The following WDFY2 variants were observed in gnomAD, a reference collection of about 807,000 sequenced individuals.
WDFY2 encodes the protein WD repeat and FYVE domain containing 2.
In WDFY2, 36 loss-of-function variants were observed where a neutral mutation model predicts 56.4. That is an observed-to-expected ratio of 0.64 (90% CI 0.49 to 0.84). The LOEUF (loss-of-function observed/expected upper bound fraction) is 0.84, where lower values mean the gene tolerates loss of function less well. Ranked by LOEUF, WDFY2 falls within the 40% of genes least tolerant of loss-of-function variation. WDFY2 has a pLI of 0.00. For missense variants in WDFY2, 444 were observed against 512.2 expected, an observed-to-expected ratio of 0.87 and a Z score of 1.29; for synonymous variants, 176 against 183.7, an observed-to-expected ratio of 0.96 and a Z score of 0.34.
rs750311985 is a variant in WDFY2, at chr13:51,675,182, G to A, written c.218G>A (p.Cys73Tyr). 6.2e-7 allele frequency: 1 copy of A among 1,613,910 alleles called. No individual in the cohort carries two copies. ...VYHAMPSPCS[C>Y]MSFNPETRRL... ...TCATTTCTTTCAGCTCCATGTTCATGCATGTCTTTTAACCCGGAAACAAGA... is the reference window on the plus strand; with the variant it reads ...TCATTTCTTTCAGCTCCATGTTCATACATGTCTTTTAACCCGGAAACAAGA... Residue 73 changes from cysteine (C) to tyrosine (Y), a missense_variant, in exon 3 of 12, where the codon TGC becomes TAC. Physicochemically the swap from Cys to Tyr is radical, Grantham distance 194. Coordinates refer to ENST00000298125, the MANE Select transcript of WDFY2 (RefSeq NM_052950.4).
At chr13:51,643,837 G>A (rs989825299) in intron 1 of WDFY2, among the ~76,000 whole-genome samples, 2 of 151,244 alleles carry the variant, frequency 1.3e-5, no homozygotes, top group African/African-American at 4.9e-5. Context: ...AGCACTTCCT[G>A]TATGCTAAAT....
Position 51,584,830 on chromosome 13 carries a change from G to T in WDFY2, c.137+6G>T, listed in dbSNP as rs1379025295. On this transcript the variant is annotated splice_donor_region_variant and intron_variant, in intron 1 of 11. Coordinates refer to ENST00000298125, the MANE Select transcript of WDFY2 (RefSeq NM_052950.4). ...ATCAGCGTCTCCGAGGACAGGTATG[G>T]ACTACTGCCATTCGGCCGCGAGGAG... 6.2e-7 allele frequency: 1 copy of T among 1,613,432 alleles called. No individual in the cohort carries two copies. The highest frequency in any genetic ancestry group is 1.7e-5 in the Admixed American group (1 of 59,990).
chr13:51,748,191 G>A (rs141011105), intron 7 of WDFY2, among the ~76,000 whole-genome samples: 18 of 152,100 alleles, frequency 1.2e-4, no homozygotes, highest in Middle Eastern at 3.4e-3. Context: ...TTTTTCCACC[G>A]GTGTAACCAC....
chr13:51,753,605 T>G (rs1317845714), intron 8 of WDFY2, among the ~76,000 whole-genome samples: 3 of 152,122 alleles, frequency 2.0e-5, no homozygotes, highest in African/African-American at 7.2e-5. Flanking sequence ...GTGTAAGACT[T>G]TTTTTTGAAC....
At chr13:51,692,274 T>G (rs999547713) in intron 3 of WDFY2, among the ~76,000 whole-genome samples, 8 of 152,190 alleles carry the variant, frequency 5.3e-5, no homozygotes, top group Non-Finnish European at 1.2e-4. Context: ...CTTGTGCCAG[T>G]TTTCAAAGGG....
intron 3 of WDFY2, among the ~76,000 whole-genome samples, chr13:51,698,447 C>T (rs1047158338): frequency 1.3e-5 from 2 of 152,126 alleles, no homozygotes; most frequent in Admixed American, 1.3e-4. Flanking sequence ...AAGCAAATTC[C>T]ATTCAATTTA....
chr13:51,586,153 A>C, intron 1 of WDFY2: 1 of 398,338 alleles, frequency 2.5e-6, no homozygotes, highest in Non-Finnish European at 4.4e-6. Context: ...CCTTATGAGA[A>C]AGTTTGATTT....
intron 3 of WDFY2, among the ~76,000 whole-genome samples, chr13:51,687,095 TTATAG>T (rs1335793674): frequency 1.3e-5 from 2 of 149,860 alleles, no homozygotes; most frequent in Non-Finnish European, 3.0e-5. Context: ...CTTAATATTT[TTATAG>T]TATATTATGT....
intron 7 of WDFY2, among the ~76,000 whole-genome samples, chr13:51,749,096 A>C (rs1217589558): frequency 6.6e-6 from 1 of 152,144 alleles, no homozygotes; most frequent in East Asian, 1.9e-4. Flanking sequence ...AAACAATGTC[A>C]TTTTTCTCAT....
At chr13:51,659,573 A>G (rs1304452582) in intron 1 of WDFY2, among the ~76,000 whole-genome samples, 2 of 152,180 alleles carry the variant, frequency 1.3e-5, no homozygotes, top group Non-Finnish European at 2.9e-5. Flanking sequence ...AGTATAATTC[A>G]TGGTCGGGCC....
intron 7 of WDFY2, among the ~76,000 whole-genome samples, chr13:51,743,977 C>T (rs1247690403): frequency 2.0e-5 from 3 of 152,210 alleles, no homozygotes; most frequent in East Asian, 1.9e-4. Context: ...AGCAGAACAT[C>T]GCTGGTGCTC....
chr13:51,615,546 G>T (rs373488142), intron 1 of WDFY2, among the ~76,000 whole-genome samples: 5 of 152,132 alleles, frequency 3.3e-5, no homozygotes, highest in Non-Finnish European at 5.9e-5. Flanking sequence ...TTTAACAAAG[G>T]CCGTTTAAAC....
At chr13:51,681,484 C>G (rs1303664741) in intron 3 of WDFY2, among the ~76,000 whole-genome samples, 3 of 152,066 alleles carry the variant, frequency 2.0e-5, no homozygotes, top group Non-Finnish European at 4.4e-5. Context: ...TTACATAACC[C>G]TGCCATTATT....
At chr13:51,740,577 A>G (rs1445750596) in intron 7 of WDFY2, among the ~76,000 whole-genome samples, 1 of 152,080 alleles carries the variant, frequency 6.6e-6, no homozygotes, top group Non-Finnish European at 1.5e-5. Flanking sequence ...AGCCGAGCAT[A>G]GTGGCGCGTG....
chr13:51,622,009 TGA>T, intron 1 of WDFY2, among the ~76,000 whole-genome samples: 1 of 152,180 alleles, frequency 6.6e-6, no homozygotes, highest in East Asian at 1.9e-4. Flanking sequence ...AGTGTGTGTG[TGA>T]GAGAGAGAAG....
At chr13:51,752,557 G>T (rs561385876) in intron 8 of WDFY2, among the ~76,000 whole-genome samples, 4 of 152,290 alleles carry the variant, frequency 2.6e-5, no homozygotes, top group African/African-American at 9.6e-5. Context: ...ACCAGGGGAG[G>T]GGAGAAGGAC....
At chr13:51,755,069 A>G (rs944555545) in intron 8 of WDFY2, among the ~76,000 whole-genome samples, 1 of 152,156 alleles carries the variant, frequency 6.6e-6, no homozygotes, top group Non-Finnish European at 1.5e-5. Flanking sequence ...CTCTCTGCCA[A>G]AGCACTCTGT....
intron 4 of WDFY2, among the ~76,000 whole-genome samples, chr13:51,711,621 G>A (rs1275672776): frequency 2.6e-5 from 4 of 152,210 alleles, no homozygotes; most frequent in African/African-American, 9.7e-5. Flanking sequence ...CCATCAAAAA[G>A]TGGGCAAAGG....
intron 6 of WDFY2, among the ~76,000 whole-genome samples, chr13:51,732,956 C>T (rs921021167): frequency 6.6e-6 from 1 of 152,178 alleles, no homozygotes; most frequent in East Asian, 1.9e-4. Flanking sequence ...CCCTGATGTG[C>T]ACAGAGGCTT....
Sources: allele counts gnomAD v4.1 joint callset (sites outside exome capture counted in the v4.1 genomes callset), GRCh38; gene constraint gnomAD v4.1.1; transcripts MANE v1.5; gene names NCBI Gene and HGNC (gene_info 2026-07-23, HGNC 2026-07-21).